The following RANBP2 variants were observed in gnomAD, a reference collection of about 807,000 sequenced individuals.
The protein encoded by RANBP2 is E3 SUMO-protein ligase RanBP2.
Under a neutral mutation model 303.6 loss-of-function variants are expected in RANBP2, and 57 were observed. The observed-to-expected ratio is 0.19, with a 90% CI of 0.15 to 0.23. RANBP2 has a LOEUF of 0.23. Ranked by LOEUF, RANBP2 falls within the 10% of genes least tolerant of loss-of-function variation. The probability of loss-of-function intolerance (pLI) is 1.00; values close to 1 mark genes in which losing one functional copy is unlikely to be tolerated. For missense variants in RANBP2, 3,138 were observed against 3,780.8 expected, an observed-to-expected ratio of 0.83 and a Z score of 4.46; for synonymous variants, 1,167 against 1,301.5, an observed-to-expected ratio of 0.90 and a Z score of 2.23.
chr2:109,129,182 A>C, the RANBP2 span: 4 of 457,700 alleles, frequency 8.7e-6, no homozygotes, highest in Non-Finnish European at 1.2e-5. Context: ...CTGGTCTCCC[A>C]GGCGCGAGCC....
At chr2:109,445,776 T>C in the RANBP2 span, among the ~76,000 whole-genome samples, 2 of 152,100 alleles carry the variant, frequency 1.3e-5, no homozygotes, top group African/African-American at 4.8e-5. Flanking sequence ...CTTGGAGTTG[T>C]GGGAGTTCCA....
At chr2:109,227,632 A>T in the RANBP2 span, among the ~76,000 whole-genome samples, 1 of 152,146 alleles carries the variant, frequency 6.6e-6, no homozygotes, top group African/African-American at 2.4e-5. Context: ...TGGCCTGGCC[A>T]TGCCCACTGG....
At chr2:109,739,028 G>C in the RANBP2 span, among the ~76,000 whole-genome samples, 59,659 of 134,074 alleles carry the variant, frequency 0.44, 14,579 homozygotes, top group African/African-American at 0.59. Flanking sequence ...TCCCCAATGC[G>C]TGTTCTTGGC....
chr2:108,907,794 T>G, the RANBP2 span: 8 of 1,591,210 alleles, frequency 5.0e-6, no homozygotes, highest in Admixed American at 1.3e-4. Flanking sequence ...AATAAGAAAG[T>G]TTTAGTCTTG....
At chr2:109,260,002 A>G in the RANBP2 span, among the ~76,000 whole-genome samples, 1 of 152,152 alleles carries the variant, frequency 6.6e-6, no homozygotes, top group Non-Finnish European at 1.5e-5. Context: ...TTCTCCGGCC[A>G]GAGATATCTT....
chr2:109,293,680 G>A, the RANBP2 span, among the ~76,000 whole-genome samples: 1 of 152,214 alleles, frequency 6.6e-6, no homozygotes, highest in Non-Finnish European at 1.5e-5. Context: ...GAGTTACATC[G>A]GAAAGTGAGT....
At chr2:109,605,916 G>C in the RANBP2 span, among the ~76,000 whole-genome samples, 2 of 152,152 alleles carry the variant, frequency 1.3e-5, no homozygotes, top group African/African-American at 2.4e-5. Context: ...TGTTAAGAAG[G>C]CTGTTAGAAT....
At chr2:109,435,774 TA>T in the RANBP2 span, among the ~76,000 whole-genome samples, 1 of 152,228 alleles carries the variant, frequency 6.6e-6, no homozygotes, top group Admixed American at 6.5e-5. Flanking sequence ...ATTTAGTTTT[TA>T]AAAATGATTT....
chr2:109,249,468 T>TC, the RANBP2 span, among the ~76,000 whole-genome samples: 1 of 4,892 alleles, frequency 2.0e-4, no homozygotes, highest in African/African-American at 1.2e-3. Context: ...TCTCTCTTTC[T>TC]CTTTCTTTCT....
the RANBP2 span, chr2:109,565,969 T>C: frequency 2.0e-6 from 2 of 994,546 alleles, no homozygotes; most frequent in Non-Finnish European, 3.1e-6. Context: ...CCTATTAAAA[T>C]CGAATGGTCA....
the RANBP2 span, among the ~76,000 whole-genome samples, chr2:109,332,798 G>A: frequency 6.6e-6 from 1 of 152,196 alleles, no homozygotes; most frequent in Non-Finnish European, 1.5e-5. Context: ...GTGAGAAATA[G>A]GACTCGGAAT....
At chr2:108,865,616 T>C in the RANBP2 span, among the ~76,000 whole-genome samples, 8 of 152,176 alleles carry the variant, frequency 5.3e-5, no homozygotes, top group African/African-American at 1.9e-4. Context: ...CCTATCCACT[T>C]TCTTTGTTCT....
chr2:109,666,842 T>A, the RANBP2 span, among the ~76,000 whole-genome samples: 2 of 152,220 alleles, frequency 1.3e-5, no homozygotes, highest in Non-Finnish European at 2.9e-5. Flanking sequence ...GATCTATGCA[T>A]CTGCTGTGTT....
chr2:108,739,198 C>G (rs1305267132), intron 6 of RANBP2, among the ~76,000 whole-genome samples: 2 of 151,716 alleles, frequency 1.3e-5, no homozygotes, highest in Non-Finnish European at 2.9e-5. Context: ...GTCAGGAGAT[C>G]GAGACCATCC....
chr2:108,922,333 G>A, the RANBP2 span, among the ~76,000 whole-genome samples: 1 of 152,268 alleles, frequency 6.6e-6, no homozygotes, highest in African/African-American at 2.4e-5. Context: ...CCATGAGTCA[G>A]GCTGGCAGCC....
the RANBP2 span, among the ~76,000 whole-genome samples, chr2:109,163,719 A>C: frequency 6.6e-6 from 1 of 152,088 alleles, no homozygotes; most frequent in Non-Finnish European, 1.5e-5. Flanking sequence ...TTAAGCTTGG[A>C]GACTTCACGA....
the RANBP2 span, among the ~76,000 whole-genome samples, chr2:108,814,827 C>T: frequency 2.0e-5 from 3 of 151,560 alleles, no homozygotes; most frequent in East Asian, 1.9e-4. Context: ...GTAGAGACAG[C>T]GTTTCACCAT....
chr2:108,942,701 G>A, the RANBP2 span, among the ~76,000 whole-genome samples: 2 of 152,234 alleles, frequency 1.3e-5, no homozygotes, highest in African/African-American at 4.8e-5. Flanking sequence ...TCCTGTTCCC[G>A]CCTCTCCTTT....
chr2:108,798,089 G>A, the RANBP2 span, among the ~76,000 whole-genome samples: 1 of 151,986 alleles, frequency 6.6e-6, no homozygotes, highest in Non-Finnish European at 1.5e-5. Flanking sequence ...AGGGAGTGGA[G>A]GGTATAGGTA....
Sources: gnomAD v4.1 joint callset for allele counts (sites outside exome capture counted in the v4.1 genomes callset) on GRCh38, gnomAD v4.1.1 for gene constraint, MANE v1.5 for transcripts, NCBI Gene and HGNC (gene_info 2026-07-23, HGNC 2026-07-21) for gene names.